Variants in PAX7 observed in about 807,000 individuals in gnomAD.
The protein encoded by PAX7 is paired box 7.
PAX7 carries 18 observed loss-of-function variants against 50.7 expected under a neutral mutation model. The observed-to-expected ratio is 0.36, with a 90% CI of 0.25 to 0.53. The LOEUF is 0.53. Among genes scored for constraint, PAX7 ranks in the 20% least tolerant of loss-of-function variants. PAX7 has a pLI of 0.93. For synonymous variants in PAX7, 310 were observed against 290.4 expected, an observed-to-expected ratio of 1.07 and a Z score of -0.69; for missense variants, 644 against 702.9, an observed-to-expected ratio of 0.92 and a Z score of 0.95.
intron 4 of PAX7, among the ~76,000 whole-genome samples, chr1:18,666,626 G>A (rs2088673494): frequency 6.6e-6 from 1 of 152,202 alleles, no homozygotes; most frequent in Non-Finnish European, 1.5e-5. Context: ...TTGGGGTGGG[G>A]GAAAGGGTTG....
chr1:18,706,062 G>A (rs886872764), intron 7 of PAX7, among the ~76,000 whole-genome samples: 4 of 152,266 alleles, frequency 2.6e-5, no homozygotes, highest in African/African-American at 4.8e-5. Context: ...CGGGTGCAGC[G>A]AGCAGGGCGG....
At chr1:18,710,575 G>A in intron 7 of PAX7, among the ~76,000 whole-genome samples, 1 of 151,970 alleles carries the variant, frequency 6.6e-6, no homozygotes, top group East Asian at 1.9e-4. Flanking sequence ...GCAAATCACT[G>A]GTAGGAGAGA....
Position 18,691,883 on chromosome 1 carries a change from C to T in PAX7, c.716C>T (p.Thr239Ile). ...GAGCTGGAGAAGGCCTTTGAGAGGA[C>T]CCACTACCCAGACATATACACCCGC... is the stretch of plus-strand genomic sequence containing the variant. ...LEELEKAFER[T>I]HYPDIYTREE... The change falls in exon 5 of 9, where the codon ACC becomes ATC. Residue 239 changes from threonine (T) to isoleucine (I), a missense_variant. By Grantham distance (89) the Thr-to-Ile change is moderately conservative (BLOSUM62 -1). Transcript: ENST00000420770. 6.2e-7 allele frequency: 1 copy of T among 1,614,022 alleles called. No homozygotes were observed. Among genetic ancestry groups the T allele is most frequent in the South Asian group, 1.1e-5 (1 of 91,062 alleles).
chr1:18,660,962 G>A (rs1263500154), intron 4 of PAX7, among the ~76,000 whole-genome samples: 1 of 152,182 alleles, frequency 6.6e-6, no homozygotes, highest in Non-Finnish European at 1.5e-5. Flanking sequence ...TTGTAAGGCT[G>A]AAGTGAAATA....
rs1931468136 is a variant in PAX7 at position 18,746,928 on chromosome 1, C to A, written c.*1999C>A. 8.6e-6 allele frequency: 2 copies of A among 231,760 alleles called. No homozygotes were observed. The highest frequency in any genetic ancestry group is 1.7e-5 in the Non-Finnish European group (2 of 117,110). The allele number at this position is 231,760 out of a possible 1,614,324, so 14.4% of individuals were successfully genotyped here. On this transcript the variant is annotated 3_prime_UTR_variant, in exon 9 of 9. Transcript: ENST00000420770. ...AAACAGACTCTTTGGTAGCAGCAGACACATGTGATCCATCAAGATCAACCA... is the reference window on the plus strand; with the variant it reads ...AAACAGACTCTTTGGTAGCAGCAGAAACATGTGATCCATCAAGATCAACCA...
chr1:18,685,204 T>A (rs1003614835), intron 4 of PAX7, among the ~76,000 whole-genome samples: 1 of 152,204 alleles, frequency 6.6e-6, no homozygotes, highest in African/African-American at 2.4e-5. Flanking sequence ...AGAATGGGGA[T>A]AACACTGCCT....
intron 4 of PAX7, among the ~76,000 whole-genome samples, chr1:18,673,447 A>G (rs1024976862): frequency 3.3e-5 from 5 of 152,174 alleles, no homozygotes; most frequent in African/African-American, 1.2e-4. Context: ...TGTCAGAACC[A>G]GTGTGTTTTC....
At chr1:18,708,477 CCTGGGAGGT>C (rs2089311233) in intron 7 of PAX7, among the ~76,000 whole-genome samples, 1 of 151,962 alleles carries the variant, frequency 6.6e-6, no homozygotes, top group African/African-American at 2.4e-5. Context: ...ATTGATTGAC[CCTGGGAGGT>C]TGAGGCTGCA....
At chr1:18,654,922 G>A (rs1035273971) in intron 4 of PAX7, among the ~76,000 whole-genome samples, 1 of 152,212 alleles carries the variant, frequency 6.6e-6, no homozygotes, top group Non-Finnish European at 1.5e-5. Flanking sequence ...TGGGCCTGGG[G>A]CCTCCTATCA....
In PAX7 at chr1:18,639,395, A is replaced by ATATTTT. The variant is rs1553133604; in HGVS notation, c.586+3025_586+3026insATTTTT. 4.1e-4 allele frequency among the ~76,000 whole-genome samples: 61 copies of ATATTTT among 149,318 alleles called. 1 individual carries two copies. Among genetic ancestry groups the ATATTTT allele is most frequent in the Middle Eastern group, 3.4e-3 (1 of 290 alleles). ...GGCTGATATTCATGAGGCTGTTCAT[A>ATATTTT]TTTTTTTTTTTGCTCTTATCCTTGT... On this transcript the variant is annotated intron_variant, in intron 4 of 8. Transcript: ENST00000420770.
In PAX7 at chr1:18,747,238, C is replaced by T. The variant is rs1931480560; in HGVS notation, c.*2309C>T. The T allele has an allele frequency of 1.7e-5, 4 of 230,508 alleles. No homozygotes were observed. Among genetic ancestry groups the T allele is most frequent in the Non-Finnish European group, 2.6e-5 (3 of 116,462 alleles). 14.3% of individuals were successfully genotyped at this position (230,508 alleles called of 1,614,324 possible). ...TATCAAAACCACCCAGCCCCATCCC[C>T]AGGAGGCGACATTCCAATGCTAGGA... is the stretch of plus-strand genomic sequence containing the variant. On this transcript the variant is annotated 3_prime_UTR_variant, in exon 9 of 9. Transcript: ENST00000420770.
chr1:18,714,103 C>T lies in PAX7; in HGVS notation c.1155+10807C>T, dbSNP rs562434109. Reference sequence around the variant, plus strand: ...GTGCGTGCCTGTAGTCCCAGCTACTCGGCTGAGGCAGGAGAATTGCTTGGA... The same window carrying T: ...GTGCGTGCCTGTAGTCCCAGCTACTTGGCTGAGGCAGGAGAATTGCTTGGA... On this transcript the variant is annotated intron_variant, in intron 7 of 8. Coordinates refer to ENST00000420770, the MANE Select transcript of PAX7 (RefSeq NM_001135254.2). 7.2e-5 allele frequency among the ~76,000 whole-genome samples: 11 copies of T among 152,052 alleles called. No homozygotes were observed. The South Asian group carries it at 8.3e-4, about 12-fold the overall frequency.
chr1:18,647,070 G>C (rs866731859), intron 4 of PAX7, among the ~76,000 whole-genome samples: 38 of 151,220 alleles, frequency 2.5e-4, no homozygotes, highest in African/African-American at 8.5e-4. Context: ...GGAAGGGGCG[G>C]GGGACGGAAC....
At chr1:18,652,792 C>G (rs1292999541) in intron 4 of PAX7, among the ~76,000 whole-genome samples, 1 of 152,182 alleles carries the variant, frequency 6.6e-6, no homozygotes, top group Non-Finnish European at 1.5e-5. Context: ...TCCAGATGGG[C>G]AGGGCCATCT....
rs765933792 is a variant in PAX7 at position 18,635,131 on chromosome 1, A to G, written c.342A>G (p.Val114=). 2.5e-6 allele frequency: 4 copies of G among 1,613,564 alleles called. No individual in the cohort carries two copies. Among genetic ancestry groups the G allele is most frequent in the East Asian group, 2.2e-5 (1 of 44,874 alleles). The change falls in exon 3 of 9, where the codon GTA becomes GTG. Residue 114 remains valine, a synonymous_variant. Transcript: ENST00000420770. ...SKPRQVATPD[V]EKKIEEYKRE... ...TGAAGCAGGTGGCGACTCCGGATGT[A>G]GAGAAAAAGATTGAGGAGTACAAGA...
Position 18,745,326 on chromosome 1 carries a change from G to T in PAX7, c.*397G>T, listed in dbSNP as rs1040638388. On this transcript the variant is annotated 3_prime_UTR_variant, in exon 9 of 9. Transcript: ENST00000420770. ...GGACCCAACTCCAGTGGGGGCCCTA[G>T]CTAGAAGTGGAGGTGAAGCTTTCAG... 1.1e-4 allele frequency: 31 copies of T among 271,200 alleles called. No homozygotes were observed. The highest frequency in any genetic ancestry group is 6.1e-4 in the African/African-American group (28 of 46,116). 16.8% of individuals were successfully genotyped at this position (271,200 alleles called of 1,614,324 possible).
intron 8 of PAX7, among the ~76,000 whole-genome samples, chr1:18,743,811 CT>C (rs1931281847): frequency 2.0e-5 from 3 of 152,252 alleles, no homozygotes; most frequent in African/African-American, 2.4e-5. Flanking sequence ...TGGAACTCAC[CT>C]GTACACAGTG....
intron 8 of PAX7, among the ~76,000 whole-genome samples, chr1:18,736,912 T>C (rs947740659): frequency 1.3e-5 from 2 of 152,266 alleles, no homozygotes; most frequent in African/African-American, 2.4e-5. Context: ...GCCACTGTGC[T>C]GGACAGCTCA....
chr1:18,699,857 G>T (rs1195045506), intron 5 of PAX7, among the ~76,000 whole-genome samples: 1 of 151,934 alleles, frequency 6.6e-6, no homozygotes, highest in African/African-American at 2.4e-5. Context: ...CGCTGCGCCC[G>T]GCCAGACTGA....
Sources: gnomAD v4.1 joint callset for allele counts (sites outside exome capture counted in the v4.1 genomes callset) on GRCh38, gnomAD v4.1.1 for gene constraint, MANE v1.5 for transcripts, NCBI Gene and HGNC (gene_info 2026-07-23, HGNC 2026-07-21) for gene names.